The following ST6GALNAC3 variants were observed in gnomAD, a reference collection of about 807,000 sequenced individuals.
The protein encoded by ST6GALNAC3 is alpha-N-acetylgalactosaminide alpha-2,6-sialyltransferase 3.
ST6GALNAC3 carries 25 observed loss-of-function variants against 32.7 expected under a neutral mutation model. The observed-to-expected ratio is 0.76, with a 90% CI of 0.56 to 1.07. The LOEUF is 1.07. Ranked by LOEUF, ST6GALNAC3 falls within the 50% of genes least tolerant of loss-of-function variation. The pLI is 0.00. For missense variants in ST6GALNAC3, 355 were observed against 382.4 expected, an observed-to-expected ratio of 0.93 and a Z score of 0.60; for synonymous variants, 129 against 133.1, an observed-to-expected ratio of 0.97 and a Z score of 0.21.
chr1:76,321,086 C>A (rs1051771261), intron 2 of ST6GALNAC3, among the ~76,000 whole-genome samples: 7 of 152,030 alleles, frequency 4.6e-5, no homozygotes, highest in African/African-American at 1.4e-4. Flanking sequence ...TTCCTTTTGA[C>A]CACAAGGGTG....
At chr1:76,610,425 G>A (rs77757413) in intron 3 of ST6GALNAC3, among the ~76,000 whole-genome samples, 1 of 152,222 alleles carries the variant, frequency 6.6e-6, no homozygotes, top group South Asian at 2.1e-4. Flanking sequence ...TGCAGAACAG[G>A]GAAGCATCAA....
At chr1:76,353,277 G>A (rs1395480609) in intron 2 of ST6GALNAC3, among the ~76,000 whole-genome samples, 2 of 152,184 alleles carry the variant, frequency 1.3e-5, no homozygotes, top group East Asian at 3.9e-4. Flanking sequence ...CGTTCTTCGG[G>A]CCCACGCGTT....
At position 76,216,315 on chromosome 1, in the gene ST6GALNAC3, T is replaced by C. The variant is rs144554452; in HGVS notation, c.19-97490T>C. On this transcript the variant is annotated intron_variant, in intron 1 of 4. Coordinates refer to ENST00000328299, the MANE Select transcript of ST6GALNAC3 (RefSeq NM_152996.4). ...ACACACAAATACGCATATATGTGTA[T>C]GTTTTCCTCTAACAAAATATAAGCC... is the stretch of plus-strand genomic sequence containing the variant. Among the ~76,000 whole-genome samples the C allele has an allele frequency of 2.1e-3, 320 of 152,286 alleles. 3 individuals carry two copies. The highest frequency in any genetic ancestry group is 7.5e-3 in the African/African-American group (311 of 41,564).
intron 1 of ST6GALNAC3, among the ~76,000 whole-genome samples, chr1:76,184,005 T>G (rs1306570301): frequency 6.6e-6 from 1 of 151,848 alleles, no homozygotes; most frequent in East Asian, 1.9e-4. Context: ...TGTATTAGTC[T>G]ATCTTGTTTC....
intron 2 of ST6GALNAC3, among the ~76,000 whole-genome samples, chr1:76,355,324 A>G (rs1485116981): frequency 6.6e-6 from 1 of 152,214 alleles, no homozygotes; most frequent in Non-Finnish European, 1.5e-5. Context: ...AATTATGTAT[A>G]TTCCTACCAA....
At chr1:76,170,573 T>C (rs1192324144) in intron 1 of ST6GALNAC3, among the ~76,000 whole-genome samples, 1 of 152,242 alleles carries the variant, frequency 6.6e-6, no homozygotes, top group Non-Finnish European at 1.5e-5. Context: ...CCAGGGATTA[T>C]GGCACCAGAA....
At chr1:76,624,639 A>G (rs1454246388) in intron 3 of ST6GALNAC3, among the ~76,000 whole-genome samples, 1 of 151,796 alleles carries the variant, frequency 6.6e-6, no homozygotes, top group African/African-American at 2.4e-5. Flanking sequence ...TTTCCTAATT[A>G]TGATTTTTTT....
chr1:76,323,428 T>C (rs553393026), intron 2 of ST6GALNAC3, among the ~76,000 whole-genome samples: 31 of 152,326 alleles, frequency 2.0e-4, no homozygotes, highest in African/African-American at 6.3e-4. Flanking sequence ...CCCCAAAGTA[T>C]TGATTCTATG....
intron 3 of ST6GALNAC3, among the ~76,000 whole-genome samples, chr1:76,470,718 G>T (rs940659268): frequency 6.6e-6 from 1 of 152,040 alleles, no homozygotes; most frequent in African/African-American, 2.4e-5. Flanking sequence ...TAGTCCAAAT[G>T]AGGTCACCTG....
At chr1:76,168,208 G>A (rs1652251194) in intron 1 of ST6GALNAC3, among the ~76,000 whole-genome samples, 1 of 152,116 alleles carries the variant, frequency 6.6e-6, no homozygotes, top group African/African-American at 2.4e-5. Context: ...TAGTTTCAAA[G>A]AACTTCTTGA....
intron 3 of ST6GALNAC3, among the ~76,000 whole-genome samples, chr1:76,549,166 C>CCATT (rs1424172877): frequency 6.6e-6 from 1 of 152,166 alleles, no homozygotes; most frequent in African/African-American, 2.4e-5. Flanking sequence ...CAAATTCCCA[C>CCATT]CATTCAGCTC....
intron 1 of ST6GALNAC3, among the ~76,000 whole-genome samples, chr1:76,283,403 C>A (rs1360878): frequency 0.48 from 72,366 of 151,900 alleles, 17,522 homozygotes; most frequent in African/African-American, 0.55. Flanking sequence ...TAAATACTTT[C>A]AGGCGCTGTG....
At chr1:76,347,745 C>G (rs1648640059) in intron 2 of ST6GALNAC3, among the ~76,000 whole-genome samples, 1 of 152,082 alleles carries the variant, frequency 6.6e-6, no homozygotes, top group South Asian at 2.1e-4. Flanking sequence ...TGGGTTCAAG[C>G]TCTTGCTCTA....
intron 2 of ST6GALNAC3, among the ~76,000 whole-genome samples, chr1:76,405,509 G>T (rs116567176): frequency 0.032 from 4,920 of 152,112 alleles, 93 homozygotes; most frequent in South Asian, 0.042. Context: ...AGAAAGGGAT[G>T]GTTTTCCCAG....
intron 1 of ST6GALNAC3, among the ~76,000 whole-genome samples, chr1:76,174,754 C>T (rs1468448290): frequency 6.6e-6 from 1 of 151,332 alleles, no homozygotes; most frequent in African/African-American, 2.4e-5. Flanking sequence ...GCAACCTCCA[C>T]CTCCTGGGTT....
chr1:76,543,192 A>G (rs1276820005), intron 3 of ST6GALNAC3, among the ~76,000 whole-genome samples: 2 of 152,230 alleles, frequency 1.3e-5, no homozygotes, highest in South Asian at 4.1e-4. Flanking sequence ...GGAGAATGAC[A>G]GTGTGGGAGC....
chr1:76,306,342 G>C, intron 1 of ST6GALNAC3, among the ~76,000 whole-genome samples: 1 of 152,048 alleles, frequency 6.6e-6, no homozygotes, highest in Admixed American at 6.6e-5. Flanking sequence ...GAATGGGTAT[G>C]TCTTCCTCTT....
intron 2 of ST6GALNAC3, among the ~76,000 whole-genome samples, chr1:76,367,135 CAT>C (rs1030161239): frequency 6.6e-6 from 1 of 152,190 alleles, no homozygotes; most frequent in African/African-American, 2.4e-5. Context: ...ATACCAAAAA[CAT>C]ATGGCTCATT....
chr1:76,585,533 C>T (rs61773304), intron 3 of ST6GALNAC3, among the ~76,000 whole-genome samples: 5,898 of 152,266 alleles, frequency 0.039, 146 homozygotes, highest in Middle Eastern at 0.058. Flanking sequence ...ACACCACCTC[C>T]AAGGCATAGT....
Sources: gnomAD v4.1 joint callset for allele counts (sites outside exome capture counted in the v4.1 genomes callset) on GRCh38, gnomAD v4.1.1 for gene constraint, MANE v1.5 for transcripts, NCBI Gene and HGNC (gene_info 2026-07-23, HGNC 2026-07-21) for gene names.